RAB11FIP4: variants seen among roughly 807,000 people sequenced by gnomAD.
RAB11FIP4 encodes RAB11 family interacting protein 4, also known as rab11 family-interacting protein 4.
In RAB11FIP4, 23 loss-of-function variants were observed where a neutral mutation model predicts 74.3. The observed-to-expected ratio is 0.31, with a 90% CI of 0.22 to 0.44. The LOEUF is 0.44. RAB11FIP4 is among the 20% of genes least tolerant of loss of function. The pLI is 1.00. For missense variants in RAB11FIP4, 630 were observed against 863.9 expected (o/e 0.73, Z 3.39); for synonymous variants, 360 against 359.9 (o/e 1.00, Z 0.00).
At position 31,531,637 on chromosome 17, in the gene RAB11FIP4, CAGG is replaced by C; in HGVS notation, c.1825_1827del (p.Glu609del). ...TCAGCTAATGGAAGCCCTGAAGGAG[CAGG>C]AGGAGATCAACTTCCGGCTGAGGCA... On this transcript the variant is annotated inframe_deletion, in exon 15 of 15. Transcript: ENST00000621161. 1 of 1,613,486 alleles carries C rather than the reference CAGG, an allele frequency of 6.2e-7. No homozygotes were observed. The highest frequency in any genetic ancestry group is 8.5e-7 in the Non-Finnish European group (1 of 1,179,432).
At chr17:31,472,162 CA>C (rs35973497) in intron 3 of RAB11FIP4, among the ~76,000 whole-genome samples, 72,803 of 142,332 alleles carry the variant, frequency 0.51, 19,617 homozygotes, top group East Asian at 0.64. Context: ...AAGTCTGTCT[CA>C]AAAAAAAAAA....
Position 31,490,987 on chromosome 17 carries a change from A to C in RAB11FIP4, c.337-26664A>C, listed in dbSNP as rs528714097. Among the ~76,000 whole-genome samples, 12 of 152,290 alleles carry C rather than the reference A, an allele frequency of 7.9e-5. No homozygotes were observed. In the East Asian group the frequency reaches 2.1e-3, roughly 27 times the overall value. ...TCTGGGTCAGCTCTGCTGGCTCTTG[A>C]CTCAGGAACTGGGCACCTATGGCTT... On this transcript the variant is annotated intron_variant, in intron 3 of 14. Transcript: ENST00000621161.
At chr17:31,502,825 A>C (rs988744816) in intron 3 of RAB11FIP4, among the ~76,000 whole-genome samples, 1 of 152,126 alleles carries the variant, frequency 6.6e-6, no homozygotes, top group Admixed American at 6.6e-5. Flanking sequence ...TGGAGGCTGA[A>C]GTCTAGCATC....
chr17:31,413,441 A>G (rs1567647380), intron 1 of RAB11FIP4, among the ~76,000 whole-genome samples: 1 of 149,278 alleles, frequency 6.7e-6, no homozygotes, highest in African/African-American at 2.5e-5. Context: ...GCCCCCCGAG[A>G]AGAGAGTGTC....
Position 31,536,072 on chromosome 17 carries a change from C to T in RAB11FIP4, c.*4340C>T, listed in dbSNP as rs2072956966. 6.6e-6 allele frequency: 1 copy of T among 150,580 alleles called. No homozygotes were observed. The highest frequency in any genetic ancestry group is 2.1e-4 in the South Asian group (1 of 4,762). 9.3% of individuals were successfully genotyped at this position (150,580 alleles called of 1,614,324 possible). ...GGGCGCGGGGACAGAAGCGCGGGTT[C>T]TTGGTTCCAATGAGGGACTTAGCAG... On this transcript the variant is annotated 3_prime_UTR_variant, in exon 15 of 15. Transcript: ENST00000621161.
rs1226671566 is a variant in RAB11FIP4 at position 31,523,505 on chromosome 17, C to A, written c.930-7C>A. 2.5e-6 allele frequency: 4 copies of A among 1,612,562 alleles called. No individual in the cohort carries two copies. The South Asian group carries it at 4.4e-5, about 18-fold the overall frequency. On this transcript the variant is annotated splice_polypyrimidine_tract_variant and splice_region_variant and intron_variant, in intron 7 of 14. Transcript: ENST00000621161. ...TGCAGCCAGACACCCTCCTCCCACC[C>A]CTGCAGGCAGCTCATGCACAGCAGC... is the stretch of plus-strand genomic sequence containing the variant.
intron 1 of RAB11FIP4, among the ~76,000 whole-genome samples, chr17:31,410,752 C>A (rs1157238763): frequency 6.6e-6 from 1 of 152,154 alleles, no homozygotes; most frequent in Non-Finnish European, 1.5e-5. Flanking sequence ...ACTGCCACCA[C>A]CTAACCACCT....
rs2071890842 is a variant in RAB11FIP4 at position 31,485,355 on chromosome 17, T to C, written c.337-32296T>C. 2.0e-5 allele frequency among the ~76,000 whole-genome samples: 3 copies of C among 152,178 alleles called. No individual in the cohort carries two copies. In the South Asian group the frequency reaches 6.2e-4, roughly 32 times the overall value. On this transcript the variant is annotated intron_variant, in intron 3 of 14. Transcript: ENST00000621161. ...GGACCTACTGATACCACCCGTTCCA[T>C]AGAGCTCTTGAGAAATGTCGCTCAG...
intron 3 of RAB11FIP4, among the ~76,000 whole-genome samples, chr17:31,483,958 C>T (rs2071875574): frequency 6.6e-6 from 1 of 152,048 alleles, no homozygotes; most frequent in African/African-American, 2.4e-5. Flanking sequence ...CCTGTAATCC[C>T]AGCATTTTGG....
At chr17:31,466,294 C>T (rs2071685648) in intron 3 of RAB11FIP4, among the ~76,000 whole-genome samples, 1 of 152,130 alleles carries the variant, frequency 6.6e-6, no homozygotes, top group South Asian at 2.1e-4. Flanking sequence ...ACCCAGGCAG[C>T]CCGGGATTGA....
In RAB11FIP4 at chr17:31,522,678, C is replaced by T. The variant is rs565833223; in HGVS notation, c.929+283C>T. 6 of 514,470 alleles carry T rather than the reference C, an allele frequency of 1.2e-5. No individual in the cohort carries two copies. In the South Asian group the frequency reaches 1.6e-4, roughly 14 times the overall value. The allele number at this position is 514,470 out of a possible 1,614,324, so 31.9% of individuals were successfully genotyped here. A position where few individuals can be genotyped will look rare whatever the true frequency, so the allele number is the denominator to read the frequency against. On this transcript the variant is annotated intron_variant, in intron 7 of 14. Transcript: ENST00000621161. Reference sequence around the variant, plus strand: ...GGGATGCCCTGAGAGAGACAGAGCACCCCACAGCGTTCAGTGCCCTTCCTG... The same window carrying T: ...GGGATGCCCTGAGAGAGACAGAGCATCCCACAGCGTTCAGTGCCCTTCCTG...
intron 3 of RAB11FIP4, among the ~76,000 whole-genome samples, chr17:31,500,889 G>A (rs2072207656): frequency 6.6e-6 from 1 of 152,162 alleles, no homozygotes; most frequent in Non-Finnish European, 1.5e-5. Flanking sequence ...TGGGTGTGAT[G>A]GCACGCGCCT....
At chr17:31,491,415 T>C (rs1011868755) in intron 3 of RAB11FIP4, among the ~76,000 whole-genome samples, 4 of 151,946 alleles carry the variant, frequency 2.6e-5, no homozygotes, top group African/African-American at 9.7e-5. Context: ...GTGAGGCAGG[T>C]AGAGCAGTAA....
At chr17:31,517,967 C>A in intron 4 of RAB11FIP4, 90 bp downstream of exon 4, 1 of 1,047,118 alleles carries the variant, frequency 9.6e-7, no homozygotes, top group Admixed American at 2.3e-5. Flanking sequence ...AAATTTGAAA[C>A]ATGCTCAAAA....
intron 3 of RAB11FIP4, among the ~76,000 whole-genome samples, chr17:31,496,355 AG>A (rs1189889514): frequency 6.6e-6 from 1 of 152,200 alleles, no homozygotes; most frequent in Non-Finnish European, 1.5e-5. Flanking sequence ...GCTGTGTGCA[AG>A]GCAACATTCC....
chr17:31,419,811 A>C (rs1424490989), intron 1 of RAB11FIP4, among the ~76,000 whole-genome samples: 1 of 151,928 alleles, frequency 6.6e-6, no homozygotes, highest in East Asian at 1.9e-4. Flanking sequence ...CAGCCTCCCA[A>C]AGTGCTGGGA....
chr17:31,403,782 C>T (rs971000798), intron 1 of RAB11FIP4, among the ~76,000 whole-genome samples: 1 of 152,110 alleles, frequency 6.6e-6, no homozygotes, highest in African/African-American at 2.4e-5. Context: ...CTGTGGGGGT[C>T]TCATGTTCTT....
chr17:31,489,824 C>T (rs2071972543), intron 3 of RAB11FIP4, among the ~76,000 whole-genome samples: 1 of 151,286 alleles, frequency 6.6e-6, no homozygotes, highest in Non-Finnish European at 1.5e-5. Flanking sequence ...AGAACAGCTT[C>T]GGAATTTGAA....
chr17:31,440,614 C>T (rs112177247), intron 3 of RAB11FIP4, among the ~76,000 whole-genome samples: 2,931 of 152,158 alleles, frequency 0.019, 91 homozygotes, highest in African/African-American at 0.066. Flanking sequence ...ACTAAAAATA[C>T]AAAAATTAAC....
Sources: allele counts gnomAD v4.1 joint callset (sites outside exome capture counted in the v4.1 genomes callset), GRCh38; gene constraint gnomAD v4.1.1; transcripts MANE v1.5; gene names NCBI Gene and HGNC (gene_info 2026-07-23, HGNC 2026-07-21).